Variants in MYLK observed in about 807,000 individuals in gnomAD.
The protein encoded by MYLK is myosin light chain kinase, smooth muscle.
Under a neutral mutation model 203.4 loss-of-function variants are expected in MYLK, and 106 were observed. The ratio of observed to expected loss-of-function variants is 0.52; its 90% CI spans 0.45 to 0.61. The LOEUF is 0.61. Among genes scored for constraint, MYLK ranks in the 20% least tolerant of loss-of-function variants. The probability of loss-of-function intolerance (pLI) is 0.00; values close to 1 mark genes in which losing one functional copy is unlikely to be tolerated. For synonymous variants in MYLK, 867 were observed against 959.5 expected, an observed-to-expected ratio of 0.90 and a Z score of 1.78; for missense variants, 2,072 against 2,442.3, an observed-to-expected ratio of 0.85 and a Z score of 3.20.
intron 2 of MYLK, among the ~76,000 whole-genome samples, chr3:123,867,975 TAC>T (rs1294355467): frequency 6.6e-6 from 1 of 152,228 alleles, no homozygotes; most frequent in Admixed American, 6.5e-5. Flanking sequence ...GAGTTTTTAG[TAC>T]AGTTTGCTGA....
chr3:123,780,350 C>T lies in MYLK; in HGVS notation c.165+13327G>A, dbSNP rs145079965. On this transcript the variant is annotated intron_variant, in intron 4 of 33. Transcript: ENST00000360304. Reference sequence around the variant, plus strand: ...TTGGGAGGGTGAGACAGGAGAATTGCTTGAACCCAGGGGGCAGAGGTTGCA... The same window carrying T: ...TTGGGAGGGTGAGACAGGAGAATTGTTTGAACCCAGGGGGCAGAGGTTGCA... 3.1e-3 allele frequency among the ~76,000 whole-genome samples: 469 copies of T among 152,274 alleles called. 7 individuals carry two copies. The highest frequency in any genetic ancestry group is 0.011 in the African/African-American group (452 of 41,568).
chr3:123,691,155 T>A (rs562307000), intron 19 of MYLK: 6 of 152,298 alleles, frequency 3.9e-5, no homozygotes, highest in African/African-American at 1.4e-4. Flanking sequence ...CGGGAACCAG[T>A]GTGAGTCCCA....
intron 2 of MYLK, among the ~76,000 whole-genome samples, chr3:123,851,095 T>C (rs752840052): frequency 2.7e-4 from 41 of 152,340 alleles, no homozygotes; most frequent in Non-Finnish European, 4.4e-4. Context: ...TTTTGTTCCA[T>C]TGGTCTATAT....
At chr3:123,848,233 A>G (rs2030286478) in intron 2 of MYLK, among the ~76,000 whole-genome samples, 1 of 134,064 alleles carries the variant, frequency 7.5e-6, no homozygotes, top group African/African-American at 2.9e-5. Context: ...CATTCAAAAT[A>G]TTATTTGTGG....
At chr3:123,863,342 G>T (rs2032072398) in intron 2 of MYLK, among the ~76,000 whole-genome samples, 1 of 127,854 alleles carries the variant, frequency 7.8e-6, no homozygotes, top group Non-Finnish European at 1.6e-5. Context: ...AAGTTTCTTT[G>T]GACACAGAAA....
chr3:123,759,448 A>G (rs530303115), intron 4 of MYLK, among the ~76,000 whole-genome samples: 1 of 152,368 alleles, frequency 6.6e-6, no homozygotes, highest in East Asian at 1.9e-4. Flanking sequence ...AATGAGAGGC[A>G]TGTGGCATTG....
chr3:123,680,527 TATTA>T (rs1329817383), intron 20 of MYLK, among the ~76,000 whole-genome samples: 25 of 152,224 alleles, frequency 1.6e-4, no homozygotes, highest in Non-Finnish European at 7.3e-5. Context: ...TTTTTCTTGG[TATTA>T]TGTATGCATT....
chr3:123,845,469 G>A (rs1387413368), intron 2 of MYLK, among the ~76,000 whole-genome samples: 3 of 152,096 alleles, frequency 2.0e-5, no homozygotes, highest in Non-Finnish European at 4.4e-5. Flanking sequence ...ATAGACATGA[G>A]CACCTTTTGG....
In MYLK at chr3:123,708,723, G is replaced by A. The variant is rs774165971; in HGVS notation, c.2115C>T (p.Arg705=). The change falls in exon 15 of 34, where the codon CGC becomes CGT. Residue 705 remains arginine, a synonymous_variant. Coordinates refer to ENST00000360304, the MANE Select transcript of MYLK (RefSeq NM_053025.4). The part of the protein sequence containing the change: ...CEAWNSAGEV[R]TQAVLTVQEP... ...CTTGTACCGTGAGCACGGCCTGGGTGCGGACCTCTCCAGCGCTGTTCCAGG... is the reference window on the plus strand; with the variant it reads ...CTTGTACCGTGAGCACGGCCTGGGTACGGACCTCTCCAGCGCTGTTCCAGG... 5.0e-6 allele frequency: 8 copies of A among 1,614,136 alleles called. No individual in the cohort carries two copies. The highest frequency in any genetic ancestry group is 1.7e-5 in the Admixed American group (1 of 60,030).
At chr3:123,669,650 C>CAT (rs1293109539) in intron 20 of MYLK, among the ~76,000 whole-genome samples, 1 of 151,618 alleles carries the variant, frequency 6.6e-6, no homozygotes, top group Non-Finnish European at 1.5e-5. Flanking sequence ...ATGGTATATA[C>CAT]ATATATATGT....
At chr3:123,831,216 G>C (rs569597726) in intron 3 of MYLK, among the ~76,000 whole-genome samples, 1 of 152,216 alleles carries the variant, frequency 6.6e-6, no homozygotes, top group Non-Finnish European at 1.5e-5. Flanking sequence ...TGGAAGGATG[G>C]AGTACCACAG....
rs1470412862 is a variant in MYLK at position 123,708,747 on chromosome 3, G to A, written c.2091C>T (p.Ala697=). 4 of 1,614,202 alleles carry A rather than the reference G, an allele frequency of 2.5e-6. No individual in the cohort carries two copies. The highest frequency in any genetic ancestry group is 2.2e-5 in the South Asian group (2 of 91,072). ...TGCGGACCTCTCCAGCGCTGTTCCAGGCCTCGCAGGTGTACGTGCCCGTGT... is the reference window on the plus strand; with the variant it reads ...TGCGGACCTCTCCAGCGCTGTTCCAAGCCTCGCAGGTGTACGTGCCCGTGT... ...PEDTGTYTCE[A]WNSAGEVRTQ... is the part of the protein sequence containing the mutation. The change falls in exon 15 of 34, where the codon GCC becomes GCT. Residue 697 remains alanine (A), a synonymous_variant. Coordinates refer to ENST00000360304, the MANE Select transcript of MYLK (RefSeq NM_053025.4).
At chr3:123,635,058 C>T (rs1316941404) in intron 29 of MYLK, among the ~76,000 whole-genome samples, 8 of 152,228 alleles carry the variant, frequency 5.3e-5, no homozygotes, top group Non-Finnish European at 2.9e-5. Flanking sequence ...AAAGTCACAT[C>T]GTCCTATGGT....
At chr3:123,666,506 G>C (rs2059740256) in intron 21 of MYLK, among the ~76,000 whole-genome samples, 160 bp from the exon 22 acceptor site, 1 of 152,224 alleles carries the variant, frequency 6.6e-6, no homozygotes, top group Non-Finnish European at 1.5e-5. Context: ...GGACATCCAA[G>C]TTCATGGACC....
intron 2 of MYLK, among the ~76,000 whole-genome samples, chr3:123,846,105 T>C (rs553535945): frequency 1.3e-5 from 2 of 152,344 alleles, no homozygotes; most frequent in South Asian, 4.1e-4. Context: ...CACTTTTTAA[T>C]GGTGAAAGAT....
In MYLK at chr3:123,752,370, T is replaced by G; in HGVS notation, c.334A>C (p.Ser112Arg). The G allele has an allele frequency of 6.2e-7, 1 of 1,614,152 alleles. No individual in the cohort carries two copies. Among genetic ancestry groups the G allele is most frequent in the Non-Finnish European group, 8.5e-7 (1 of 1,180,016 alleles). The change falls in exon 5 of 34, where the codon AGT becomes CGT. Residue 112 changes from serine (S) to arginine (R), a missense_variant. Around this residue, in one of 3 missense-constraint regions of MYLK, gnomAD observed 683 missense variants for 643.8 expected, o/e 1.06. Coordinates refer to ENST00000360304, the MANE Select transcript of MYLK (RefSeq NM_053025.4). ...TCCACTGTCACCTGGCGAGCACCAC[T>G]GCCATTGGTGGCTTCACAGGTATAC... Reference protein sequence around the residue: ...GKYTCEATNGSGARQVTVELT... With the variant: ...GKYTCEATNGRGARQVTVELT...
chr3:123,708,732 T>C lies in MYLK; in HGVS notation c.2106A>G (p.Gly702=). The part of the protein sequence containing the change: ...TYTCEAWNSA[G]EVRTQAVLTV... Reference sequence around the variant, plus strand: ...TGAGCACGGCCTGGGTGCGGACCTCTCCAGCGCTGTTCCAGGCCTCGCAGG... The same window carrying C: ...TGAGCACGGCCTGGGTGCGGACCTCCCCAGCGCTGTTCCAGGCCTCGCAGG... The change falls in exon 15 of 34, where the codon GGA becomes GGG. Residue 702 remains glycine, a synonymous_variant. Coordinates refer to ENST00000360304, the MANE Select transcript of MYLK (RefSeq NM_053025.4). The C allele has an allele frequency of 6.2e-7, 1 of 1,614,154 alleles. No individual in the cohort carries two copies. The highest frequency in any genetic ancestry group is 8.5e-7 in the Non-Finnish European group (1 of 1,180,024).
intron 11 of MYLK, among the ~76,000 whole-genome samples, chr3:123,728,340 C>CA (rs890815555): frequency 6.6e-6 from 1 of 151,426 alleles, no homozygotes; most frequent in Non-Finnish European, 1.5e-5. Flanking sequence ...TTGTCTCTAC[C>CA]AAAAAAAATA....
At position 123,707,674 on chromosome 3, in the gene MYLK, T is replaced by G; in HGVS notation, c.2390+80A>C. Reference sequence around the variant, plus strand: ...GCCCCACATCAGTTTGTGCTTCTTCTGGCTGCCCAGACCCAGGTTAGGGGA... The same window carrying G: ...GCCCCACATCAGTTTGTGCTTCTTCGGGCTGCCCAGACCCAGGTTAGGGGA... On this transcript the variant is annotated intron_variant, in intron 16 of 33. Transcript: ENST00000360304. 6 of 1,609,656 alleles carry G rather than the reference T, an allele frequency of 3.7e-6. No homozygotes were observed. The South Asian group carries it at 6.6e-5, about 18-fold the overall frequency.
Sources: allele counts gnomAD v4.1 joint callset (sites outside exome capture counted in the v4.1 genomes callset), GRCh38; gene constraint gnomAD v4.1.1; regional missense constraint gnomAD v4.1.1; transcripts MANE v1.5; gene names NCBI Gene and HGNC (gene_info 2026-07-23, HGNC 2026-07-21).